BBS2: variants seen among roughly 807,000 people sequenced by gnomAD.
The protein encoded by BBS2 is BBSome complex member BBS2.
Under a neutral mutation model 83.0 loss-of-function variants are expected in BBS2, and 62 were observed. The observed-to-expected ratio is 0.75, with a 90% CI of 0.61 to 0.92. The LOEUF (loss-of-function observed/expected upper bound fraction) is 0.92. Ranked by LOEUF, BBS2 falls within the 40% of genes least tolerant of loss-of-function variation. The pLI is 0.00. For missense variants in BBS2, 784 were observed against 901.0 expected (o/e 0.87, Z 1.66); for synonymous variants, 303 against 326.1 (o/e 0.93, Z 0.76).
chr16:56,482,025 T>C (rs1244564443), downstream of BBS2, among the ~76,000 whole-genome samples: 1 of 152,198 alleles, frequency 6.6e-6, no homozygotes, highest in East Asian at 1.9e-4. Flanking sequence ...CAACTTAATA[T>C]GTCTTGCTGC....
rs1434124840 is a variant in BBS2 at position 56,492,635 on chromosome 16, T to C, written c.1910+4332A>G. Among the ~76,000 whole-genome samples the C allele has an allele frequency of 2.0e-5, 3 of 152,138 alleles. No individual in the cohort carries two copies. In the East Asian group the frequency reaches 5.8e-4, roughly 29 times the overall value. On this transcript the variant is annotated intron_variant, in intron 15 of 16. Coordinates refer to ENST00000245157, the MANE Select transcript of BBS2 (RefSeq NM_031885.5). ...CTTAAAAATGTGTTAAGAAGGTAGA[T>C]CTGATGCTGTGGTCTTACCACAATA... is the stretch of plus-strand genomic sequence containing the variant.
Position 56,484,641 on chromosome 16 carries a change from C to T in BBS2, c.*120G>A. 1 of 791,624 alleles carries T rather than the reference C, an allele frequency of 1.3e-6. No individual in the cohort carries two copies. Among genetic ancestry groups the T allele is most frequent in the Middle Eastern group, 2.3e-4 (1 of 4,436 alleles). 49.0% of individuals were successfully genotyped at this position (791,624 alleles called of 1,614,324 possible). On this transcript the variant is annotated 3_prime_UTR_variant, in exon 17 of 17. Transcript: ENST00000245157. ...TTCTTTGTCTTTAATTTGTACAACT[C>T]ACCAAGGTTATTTTCATTCTTAGCA...
chr16:56,472,800 A>T (rs1963258756), intron 17 of BBS2, among the ~76,000 whole-genome samples: 1 of 151,998 alleles, frequency 6.6e-6, no homozygotes, highest in South Asian at 2.1e-4. Context: ...ATTGTTCTGT[A>T]TTTTTTCCAC....
At position 56,502,330 on chromosome 16, in the gene BBS2, T is replaced by G; in HGVS notation, c.1067A>C (p.Glu356Ala). 1 of 1,614,204 alleles carries G rather than the reference T, an allele frequency of 6.2e-7. No individual in the cohort carries two copies. The change falls in exon 9 of 17, where the codon GAG becomes GCG. Residue 356 changes from glutamate (E) to alanine (A), a missense_variant. Glu to Ala is a moderately radical substitution (Grantham distance 107, BLOSUM62 -1). Transcript: ENST00000245157. ...ACCTACACCTACCTTGGCATTTTCCTCATAGTTACGGAGTTCCAGCAACAG... is the reference window on the plus strand; with the variant it reads ...ACCTACACCTACCTTGGCATTTTCCGCATAGTTACGGAGTTCCAGCAACAG... ...QNLLLELRNY[E>A]ENAKAELASP... is the part of the protein sequence containing the mutation.
chr16:56,478,040 T>C (rs1289142878), intron 17 of BBS2: 1 of 152,234 alleles, frequency 6.6e-6, no homozygotes, highest in African/African-American at 2.4e-5. Context: ...TAACTTACTG[T>C]TATAAAACAC....
chr16:56,485,496 C>T, intron 16 of BBS2, 94 bp downstream of exon 16: 3 of 1,489,070 alleles, frequency 2.0e-6, no homozygotes, highest in South Asian at 1.1e-5. Flanking sequence ...CTACTTTCAG[C>T]CCCAATATGA....
intron 1 of BBS2, among the ~76,000 whole-genome samples, chr16:56,515,109 A>AT (rs11424497): frequency 0.078 from 11,807 of 152,298 alleles, 683 homozygotes; most frequent in East Asian, 0.15. Flanking sequence ...CACCTAATGA[A>AT]TCACTTCCTA....
chr16:56,515,358 T>A (rs1964703935), intron 1 of BBS2, among the ~76,000 whole-genome samples: 1 of 152,168 alleles, frequency 6.6e-6, no homozygotes, highest in African/African-American at 2.4e-5. Flanking sequence ...TAAAATGCAG[T>A]CTTAAGAGGG....
At chr16:56,518,865 TTC>T (rs1964829332) in intron 1 of BBS2, among the ~76,000 whole-genome samples, 2 of 152,352 alleles carry the variant, frequency 1.3e-5, no homozygotes, top group Admixed American at 1.3e-4. Flanking sequence ...GTTACATGAT[TTC>T]TCTTTTATCT....
intron 1 of BBS2, 153 bp downstream of exon 1, chr16:56,519,593 C>G: frequency 3.1e-6 from 2 of 647,586 alleles, no homozygotes; most frequent in Non-Finnish European, 5.5e-6. Flanking sequence ...CCACTGTCCT[C>G]TGCAGGATGG....
At chr16:56,511,050 T>A in intron 3 of BBS2, 109 bp downstream of exon 3, 7 of 1,573,750 alleles carry the variant, frequency 4.4e-6, no homozygotes, top group Non-Finnish European at 6.1e-6. Flanking sequence ...TATCCTTTTT[T>A]AATGCACAGA....
chr16:56,471,070 G>A (rs1963151267), intron 17 of BBS2, among the ~76,000 whole-genome samples: 1 of 152,086 alleles, frequency 6.6e-6, no homozygotes, highest in African/African-American at 2.4e-5. Context: ...TGACTGAGTA[G>A]GCCAGGTGCG....
At chr16:56,504,752 TAA>T (rs1430858260) in intron 7 of BBS2, among the ~76,000 whole-genome samples, 1 of 152,250 alleles carries the variant, frequency 6.6e-6, no homozygotes, top group Non-Finnish European at 1.5e-5. Flanking sequence ...TTCTAATTCT[TAA>T]GTCAGTCATA....
chr16:56,509,936 G>A, intron 5 of BBS2, 21 bp downstream of exon 5: 2 of 1,612,172 alleles, frequency 1.2e-6, no homozygotes, highest in African/African-American at 2.7e-5. Context: ...GGTTACCATA[G>A]TTCGAGGTGG....
At chr16:56,481,076 T>A (rs1178442192), downstream of BBS2, among the ~76,000 whole-genome samples, 3 of 152,122 alleles carry the variant, frequency 2.0e-5, no homozygotes, top group African/African-American at 7.2e-5. Flanking sequence ...GGTAATTTAG[T>A]TCTATAATGA....
chr16:56,518,837 A>G (rs1350992866), intron 1 of BBS2, among the ~76,000 whole-genome samples: 16 of 152,250 alleles, frequency 1.1e-4, no homozygotes, highest in African/African-American at 3.6e-4. Flanking sequence ...GAAGGTGTTT[A>G]GTAGAAGTCT....
At chr16:56,475,464 T>C (rs1220383680) in intron 17 of BBS2, 3 of 1,587,604 alleles carry the variant, frequency 1.9e-6, no homozygotes. Context: ...TGCGACTCTT[T>C]CAATAGGAGC....
At chr16:56,507,091 G>A (rs1567580002) in intron 5 of BBS2, among the ~76,000 whole-genome samples, 1 of 152,182 alleles carries the variant, frequency 6.6e-6, no homozygotes, top group Non-Finnish European at 1.5e-5. Context: ...TAGGATTCCA[G>A]AATTATTTAG....
At chr16:56,475,359 A>AT in intron 17 of BBS2, 1 of 743,964 alleles carries the variant, frequency 1.3e-6, no homozygotes. Flanking sequence ...AAACTAGATG[A>AT]TAAGTTCAAG....
Sources: gnomAD v4.1 joint callset for allele counts (sites outside exome capture counted in the v4.1 genomes callset) on GRCh38, gnomAD v4.1.1 for gene constraint, MANE v1.5 for transcripts, NCBI Gene and HGNC (gene_info 2026-07-23, HGNC 2026-07-21) for gene names.